VGF: variants seen among roughly 807,000 people sequenced by gnomAD.
VGF encodes the protein neurosecretory protein VGF.
In VGF, 13 loss-of-function variants were observed where a neutral mutation model predicts 41.1. The observed-to-expected ratio is 0.32, with a 90% CI of 0.21 to 0.50. VGF has a LOEUF of 0.50. Ranked by LOEUF, VGF falls within the 20% of genes least tolerant of loss-of-function variation. The probability of loss-of-function intolerance (pLI) is 0.98; values close to 1 mark genes in which losing one functional copy is unlikely to be tolerated. For synonymous variants in VGF, 473 were observed against 418.3 expected, an observed-to-expected ratio of 1.13 and a Z score of -1.60; for missense variants, 920 against 882.1, an observed-to-expected ratio of 1.04 and a Z score of -0.54.
upstream of VGF, among the ~76,000 whole-genome samples, chr7:101,168,096 TC>T (rs1312619283): frequency 6.7e-6 from 1 of 149,286 alleles, no homozygotes; most frequent in Non-Finnish European, 1.5e-5. Flanking sequence ...GTTCTGGGCA[TC>T]CGCTGGTGTC....
At position 101,162,566 on chromosome 7, in the gene VGF, T is replaced by C; in HGVS notation, c.*430A>G. The C allele has an allele frequency of 3.6e-6, 1 of 281,524 alleles. No homozygotes were observed. The highest frequency in any genetic ancestry group is 7.1e-6 in the Non-Finnish European group (1 of 141,764). 17.4% of individuals were successfully genotyped at this position (281,524 alleles called of 1,614,324 possible). Reference sequence around the variant, plus strand: ...AAAACTATTTCCTCCGTGAGGGGTATTTACAACAGAGAAAGGAAAGAAGGG... The same window carrying C: ...AAAACTATTTCCTCCGTGAGGGGTACTTACAACAGAGAAAGGAAAGAAGGG... On this transcript the variant is annotated 3_prime_UTR_variant, in exon 2 of 2. Coordinates refer to ENST00000249330, the MANE Select transcript of VGF (RefSeq NM_003378.4). The surrounding 1 kb of genome is among the most constrained non-coding windows in gnomAD (Gnocchi z 4.2).
chr7:101,166,352 G>A (rs539660093), upstream of VGF, among the ~76,000 whole-genome samples: 2 of 152,324 alleles, frequency 1.3e-5, no homozygotes, highest in South Asian at 4.1e-4. Flanking sequence ...AGGTGTGTCT[G>A]TCCTTCTGTC....
rs1168557397 is a variant in VGF, at chr7:101,163,574, T to C, written c.1270A>G (p.Thr424Ala). 5 of 1,577,494 alleles carry C rather than the reference T, an allele frequency of 3.2e-6. No homozygotes were observed. The East Asian group carries it at 1.2e-4, about 37-fold the overall frequency. The part of the protein sequence containing the change: ...GAEDKRSQEE[T>A]PGHRRKEAEG... ...GCCTCCTTCCGCCGGTGGCCCGGCG[T>C]CTCCTCCTGGGAGCGCTTGTCCTCG... The change falls in exon 2 of 2, where the codon ACG becomes GCG. Residue 424 changes from threonine (T) to alanine (A), a missense_variant. By Grantham distance (58) the Thr-to-Ala change is moderately conservative. This residue lies in a region of VGF where 654 missense variants were observed against 638.4 expected (regional missense o/e 1.02). Coordinates refer to ENST00000249330, the MANE Select transcript of VGF (RefSeq NM_003378.4). The surrounding 1 kb of genome is among the most constrained non-coding windows in gnomAD (Gnocchi z 5.0).
Position 101,164,251 on chromosome 7 carries a change from T to C in VGF, c.593A>G (p.Glu198Gly), listed in dbSNP as rs1184969291. ...RTHTLTRVNL[E>G]SPGPERVWRA... Reference sequence around the variant, plus strand: ...CCATACGCGCTCTGGCCCCGGGCTCTCCAGATTCACTCGGGTCAGCGTGTG... The same window carrying C: ...CCATACGCGCTCTGGCCCCGGGCTCCCCAGATTCACTCGGGTCAGCGTGTG... Residue 198 changes from glutamate to glycine, a missense_variant, in exon 2 of 2, where the codon GAG becomes GGG. Glu to Gly is a moderately conservative substitution (Grantham distance 98). This residue lies in a region of VGF where 654 missense variants were observed against 638.4 expected (regional missense o/e 1.02). Coordinates refer to ENST00000249330, the MANE Select transcript of VGF (RefSeq NM_003378.4). 3 of 1,596,584 alleles carry C rather than the reference T, an allele frequency of 1.9e-6. No individual in the cohort carries two copies. Among genetic ancestry groups the C allele is most frequent in the Non-Finnish European group, 2.6e-6 (3 of 1,175,396 alleles).
upstream of VGF, chr7:101,165,701 C>T: frequency 1.0e-6 from 1 of 975,134 alleles, no homozygotes; most frequent in Non-Finnish European, 1.2e-6. Context: ...GGACGCCCGA[C>T]GATTGGAGGG....
chr7:101,164,555 G>A lies in VGF; in HGVS notation c.289C>T (p.Pro97Ser). 1.3e-6 allele frequency: 2 copies of A among 1,599,358 alleles called. No individual in the cohort carries two copies. Among genetic ancestry groups the A allele is most frequent in the Non-Finnish European group, 1.7e-6 (2 of 1,177,568 alleles). The change falls in exon 2 of 2, where the codon CCG becomes TCG. Residue 97 changes from proline (P) to serine (S), a missense_variant. Coordinates refer to ENST00000249330, the MANE Select transcript of VGF (RefSeq NM_003378.4). ...CCCTGCTGGGAGCCGCTTGGTGCCG[G>A]GGGTGAGGCGGGACGGTCGAGTGCC... ...LQALDRPASP[P>S]APSGSQQGPE...
At chr7:101,169,674 G>C (rs976437434), upstream of VGF, among the ~76,000 whole-genome samples, 1 of 152,090 alleles carries the variant, frequency 6.6e-6, no homozygotes, top group African/African-American at 2.4e-5. Flanking sequence ...AGGCTGCGCT[G>C]TGCACACTCG....
rs771527523 is a variant in VGF, at chr7:101,163,093, C to G, written c.1751G>C (p.Arg584Pro). The change falls in exon 2 of 2, where the codon CGG becomes CCG. Residue 584 changes from arginine (R) to proline (P), a missense_variant. Around this residue, in one of 3 missense-constraint regions of VGF, gnomAD observed 257 missense variants for 217.2 expected, o/e 1.18. Coordinates refer to ENST00000249330, the MANE Select transcript of VGF (RefSeq NM_003378.4). This position sits in a 1 kb window ranked among gnomAD's most constrained non-coding sequence, Gnocchi z 5.0. ...RHYPGREAQA[R>P]RAQEEAEAEE... is the part of the protein sequence containing the mutation. ...CGCCTCCGCCTCCTCCTGCGCGCGC[C>G]GCGCCTGGGCCTCCCGGCCGGGATA... 4 of 1,573,596 alleles carry G rather than the reference C, an allele frequency of 2.5e-6. No individual in the cohort carries two copies. The highest frequency in any genetic ancestry group is 1.8e-5 in the Admixed American group (1 of 55,188).
chr7:101,167,879 C>G (rs1797243728), upstream of VGF, among the ~76,000 whole-genome samples: 1 of 152,010 alleles, frequency 6.6e-6, no homozygotes, highest in Admixed American at 6.6e-5. The surrounding 1 kb of genome is among the most constrained non-coding windows in gnomAD (Gnocchi z 4.2). Flanking sequence ...TTAATCAGAT[C>G]AAGAGTGGAT....
chr7:101,165,691 G>A (rs1797207068), upstream of VGF: 1 of 982,630 alleles, frequency 1.0e-6, no homozygotes, highest in Non-Finnish European at 1.2e-6. Context: ...GGAGGAGGAA[G>A]GACGCCCGAC....
At chr7:101,169,297 AAC>A (rs58218085), upstream of VGF, among the ~76,000 whole-genome samples, 40,496 of 150,348 alleles carry the variant, frequency 0.27, 8,468 homozygotes, top group African/African-American at 0.59. Flanking sequence ...TGGAGAGACT[AAC>A]ACACACACAC....
rs771878639 is a variant in VGF at position 101,164,475 on chromosome 7, G to A, written c.369C>T (p.Thr123=). 2 of 1,602,316 alleles carry A rather than the reference G, an allele frequency of 1.2e-6. No individual in the cohort carries two copies. The highest frequency in any genetic ancestry group is 3.3e-5 in the Admixed American group (2 of 59,872). The change falls in exon 2 of 2, where the codon ACC becomes ACT. Residue 123 remains threonine, a synonymous_variant. Coordinates refer to ENST00000249330, the MANE Select transcript of VGF (RefSeq NM_003378.4). The stretch of plus-strand genomic sequence containing the variant: ...GGCTCTCCGGCGCCGGGAGGCTGTG[G>A]GTCTGGCTGCGCACGGTCTCGGTCA... The part of the protein sequence containing the change: ...ALLTETVRSQ[T]HSLPAPESPE...
At chr7:101,165,612 C>A (rs751902311), upstream of VGF, 1 of 985,338 alleles carries the variant, frequency 1.0e-6, no homozygotes, top group East Asian at 1.1e-4. Context: ...GGGGAGCGCG[C>A]GGGGTCACGT....
At chr7:101,169,311 C>A (rs1797270207), upstream of VGF, among the ~76,000 whole-genome samples, 1 of 151,962 alleles carries the variant, frequency 6.6e-6, no homozygotes, top group African/African-American at 2.4e-5. Context: ...CACACACACA[C>A]ACACACACTC....
At position 101,164,146 on chromosome 7, in the gene VGF, G is replaced by A. The variant is rs1050566449; in HGVS notation, c.698C>T (p.Ala233Val). 4.7e-6 allele frequency: 7 copies of A among 1,505,134 alleles called. No homozygotes were observed. The highest frequency in any genetic ancestry group is 2.2e-5 in the Admixed American group (1 of 45,026). The allele number at this position is 1,505,134 out of a possible 1,614,324, so 93.2% of individuals were successfully genotyped here. ...LPPPAPSQFQ[A>V]RMPDSGPLPE... ...AAGGGGCCCGCTGTCGGGCATACGC[G>A]CCTGGAATTGAGAGGGGGCCGGGGG... The change falls in exon 2 of 2, where the codon GCG (alanine) becomes GTG (valine). Residue 233 changes from alanine to valine, a missense_variant. By Grantham distance (64) the Ala-to-Val change is moderately conservative. Around this residue, in one of 3 missense-constraint regions of VGF, gnomAD observed 654 missense variants for 638.4 expected, o/e 1.02. Transcript: ENST00000249330.
chr7:101,165,256 C>T, intron 1 of VGF, 118 bp downstream of exon 1: 1 of 991,956 alleles, frequency 1.0e-6, no homozygotes, highest in Non-Finnish European at 1.2e-6. Context: ...TTACCGGGGA[C>T]CCTTACCAGG....
rs887030948 is a variant in VGF, at chr7:101,164,130, G to T, written c.714C>A (p.Ser238Arg). ...PSQFQARMPD[S>R]GPLPETHKFG... ...ACTTGTGGGTTTCGGGAAGGGGCCC[G>T]CTGTCGGGCATACGCGCCTGGAATT... Residue 238 changes from serine to arginine, a missense_variant, in exon 2 of 2, where the codon AGC (serine) becomes AGA (arginine). This residue lies in a region of VGF where 654 missense variants were observed against 638.4 expected (regional missense o/e 1.02). Transcript: ENST00000249330. 3.3e-6 allele frequency: 5 copies of T among 1,502,730 alleles called. No individual in the cohort carries two copies. Among genetic ancestry groups the T allele is most frequent in the Non-Finnish European group, 3.5e-6 (4 of 1,134,058 alleles). 93.1% of individuals were successfully genotyped at this position (1,502,730 alleles called of 1,614,324 possible).
In VGF at chr7:101,163,500, A is replaced by G; in HGVS notation, c.1344T>C (p.Asp448=). 1 of 1,612,042 alleles carries G rather than the reference A, an allele frequency of 6.2e-7. No individual in the cohort carries two copies. Among genetic ancestry groups the G allele is most frequent in the South Asian group, 1.1e-5 (1 of 90,894 alleles). Residue 448 remains aspartate (D), a synonymous_variant, in exon 2 of 2, where the codon GAT becomes GAC. Coordinates refer to ENST00000249330, the MANE Select transcript of VGF (RefSeq NM_003378.4). The surrounding 1 kb of genome is among the most constrained non-coding windows in gnomAD (Gnocchi z 5.0). ...CAATGAGGCTGTCGATCGTCTGCGG[A>G]TCCATCTCCTCGTCGTCCTCCTCCT... is the stretch of plus-strand genomic sequence containing the variant. ...GGEEEDDEEM[D]PQTIDSLIEL...
upstream of VGF, among the ~76,000 whole-genome samples, chr7:101,168,794 A>G (rs1233485274): frequency 6.6e-6 from 1 of 152,052 alleles, no homozygotes; most frequent in Non-Finnish European, 1.5e-5. Context: ...AGAAAGAGAG[A>G]GCAGGGGCTT....
Sources: gnomAD v4.1 joint callset for allele counts (sites outside exome capture counted in the v4.1 genomes callset) on GRCh38, gnomAD v4.1.1 for gene constraint, gnomAD v4.1.1 regional missense constraint, Gnocchi (gnomAD v3.1) non-coding constraint, MANE v1.5 for transcripts, NCBI Gene and HGNC (gene_info 2026-07-23, HGNC 2026-07-21) for gene names.